Variants in PCDHGA2 observed in about 807,000 individuals in gnomAD.
The protein encoded by PCDHGA2 is protocadherin gamma-A2.
In PCDHGA2, 40 loss-of-function variants were observed where a neutral mutation model predicts 59.2. That is an observed-to-expected ratio of 0.68 (90% CI 0.52 to 0.88). PCDHGA2 has a LOEUF of 0.88. Ranked by LOEUF, PCDHGA2 falls within the 40% of genes least tolerant of loss-of-function variation. The pLI is 0.00. For missense variants in PCDHGA2, 1,226 were observed against 1,204.0 expected (o/e 1.02, Z -0.27); for synonymous variants, 560 against 526.0 (o/e 1.06, Z -0.89).
chr5:141,354,356 T>A (rs894470317), intron 1 of PCDHGA2, among the ~76,000 whole-genome samples: 1 of 152,218 alleles, frequency 6.6e-6, no homozygotes. Context: ...GAGAACACAT[T>A]GTGAACAAGA....
intron 1 of PCDHGA2, chr5:141,383,514 G>C (rs778204328): frequency 6.2e-7 from 1 of 1,612,718 alleles, no homozygotes; most frequent in African/African-American, 1.3e-5. Context: ...GGGAGGAAGA[G>C]CGGGTTCACC....
intron 1 of PCDHGA2, among the ~76,000 whole-genome samples, chr5:141,396,846 C>T (rs2093443938): frequency 6.6e-6 from 1 of 152,166 alleles, no homozygotes; most frequent in Admixed American, 6.5e-5. Flanking sequence ...TGGGAGTTAA[C>T]TTCATAGTTT....
intron 1 of PCDHGA2, 146 bp from the exon 2 acceptor site, chr5:141,494,661 G>C (rs2099755951): frequency 6.7e-7 from 1 of 1,492,856 alleles, no homozygotes; most frequent in African/African-American, 1.4e-5. Context: ...TTTGTCTTTG[G>C]AGATGAGTCC....
chr5:141,390,398 A>G, intron 1 of PCDHGA2: 1 of 1,365,554 alleles, frequency 7.3e-7, no homozygotes, highest in Non-Finnish European at 1.0e-6. Flanking sequence ...GGATCATTTT[A>G]GGAAAGTTGT....
In PCDHGA2 at chr5:141,485,580, A is replaced by C. The variant is rs761157560; in HGVS notation, c.2425-9227A>C. The C allele has an allele frequency of 6.2e-7, 1 of 1,612,610 alleles. No homozygotes were observed. The highest frequency in any genetic ancestry group is 2.2e-5 in the East Asian group (1 of 44,850). ...GATCACGCCCCCCGTTTTCCGCGGCAGCAGCTGGACTTGGAAATTGGGGAG... is the reference window on the plus strand; with the variant it reads ...GATCACGCCCCCCGTTTTCCGCGGCCGCAGCTGGACTTGGAAATTGGGGAG... On this transcript the variant is annotated intron_variant, in intron 1 of 3. Transcript: ENST00000394576. The surrounding 1 kb of genome is among the most constrained non-coding windows in gnomAD (Gnocchi z 5.7).
At position 141,512,630 on chromosome 5, in the gene PCDHGA2, G is replaced by C. The variant is rs1335322474; in HGVS notation, c.*1457G>C. On this transcript the variant is annotated 3_prime_UTR_variant, in exon 4 of 4. Transcript: ENST00000394576. ...GGGGCTGCCAGAGAACCCCAGACCT[G>C]CCCTTACAGTAGTGTAGCGCCCCCT... The C allele has an allele frequency of 6.5e-6, 1 of 152,888 alleles. No individual in the cohort carries two copies. Among genetic ancestry groups the C allele is most frequent in the Non-Finnish European group, 1.5e-5 (1 of 68,576 alleles). 9.5% of individuals were successfully genotyped at this position (152,888 alleles called of 1,614,324 possible).
intron 1 of PCDHGA2, chr5:141,344,048 G>C (rs2149732410): frequency 1.3e-6 from 2 of 1,558,278 alleles, no homozygotes; most frequent in Non-Finnish European, 1.7e-6. Context: ...CCAATTGCCT[G>C]AGTTTCCGAA....
At position 141,393,662 on chromosome 5, in the gene PCDHGA2, A is replaced by T. The variant is rs1442061423; in HGVS notation, c.2424+52267A>T. The T allele has an allele frequency of 8.7e-6, 14 of 1,613,816 alleles. No individual in the cohort carries two copies. In the Admixed American group the frequency reaches 2.3e-4, roughly 27 times the overall value. On this transcript the variant is annotated intron_variant, in intron 1 of 3. Transcript: ENST00000394576. ...GAAAAGTGGCATACAAATTCCGGAAAATTAATGAAAAACAAACTCCGTTAT... is the reference window on the plus strand; with the variant it reads ...GAAAAGTGGCATACAAATTCCGGAATATTAATGAAAAACAAACTCCGTTAT...
At position 141,431,017 on chromosome 5, in the gene PCDHGA2, G is replaced by A. The variant is rs768036730; in HGVS notation, c.2425-63790G>A. 2.5e-6 allele frequency: 4 copies of A among 1,613,768 alleles called. No homozygotes were observed. Among genetic ancestry groups the A allele is most frequent in the South Asian group, 1.1e-5 (1 of 91,084 alleles). ...ATCCGCGCAGCGGCAGCTTGGTCAC[G>A]GCGGGCAGGATAGACCGGGAGGAGC... On this transcript the variant is annotated intron_variant, in intron 1 of 3. Transcript: ENST00000394576. This position sits in a 1 kb window ranked among gnomAD's most constrained non-coding sequence, Gnocchi z 4.8.
intron 1 of PCDHGA2, chr5:141,402,899 G>A: frequency 6.6e-7 from 1 of 1,516,814 alleles, no homozygotes; most frequent in Non-Finnish European, 8.8e-7. Context: ...GAAAGAACCT[G>A]ATGAAGCAGC....
In PCDHGA2 at chr5:141,485,429, A is replaced by T. The variant is rs1388904857; in HGVS notation, c.2425-9378A>T. On this transcript the variant is annotated intron_variant, in intron 1 of 3. Transcript: ENST00000394576. This position sits in a 1 kb window ranked among gnomAD's most constrained non-coding sequence, Gnocchi z 5.7. Reference sequence around the variant, plus strand: ...GGATTTGGACAGCGGAGCCCTGCTCATCAAGAACCCAATCGACCGAGAGGC... The same window carrying T: ...GGATTTGGACAGCGGAGCCCTGCTCTTCAAGAACCCAATCGACCGAGAGGC... The T allele has an allele frequency of 6.2e-7, 1 of 1,614,090 alleles. No homozygotes were observed. Among genetic ancestry groups the T allele is most frequent in the Non-Finnish European group, 8.5e-7 (1 of 1,180,052 alleles).
intron 1 of PCDHGA2, chr5:141,423,466 G>C (rs770939556): frequency 1.2e-6 from 2 of 1,613,904 alleles, no homozygotes; most frequent in Admixed American, 3.3e-5. Context: ...CGTGGACGGG[G>C]TACAGGCTTT....
At chr5:141,483,293 G>T (rs532959899) in intron 1 of PCDHGA2, among the ~76,000 whole-genome samples, 1 of 152,264 alleles carries the variant, frequency 6.6e-6, no homozygotes, top group Non-Finnish European at 1.5e-5. Flanking sequence ...TCAGTCATAA[G>T]TGAAGGGACT....
intron 1 of PCDHGA2, chr5:141,426,302 A>G (rs1590676929): frequency 1.2e-5 from 2 of 172,322 alleles, no homozygotes; most frequent in East Asian, 1.4e-4. Context: ...AACAGGGTGA[A>G]GCAGAGAAGC....
At chr5:141,443,475 G>T (rs994058112) in intron 1 of PCDHGA2, among the ~76,000 whole-genome samples, 1 of 152,148 alleles carries the variant, frequency 6.6e-6, no homozygotes, top group African/African-American at 2.4e-5. Flanking sequence ...GACAGAATTA[G>T]ACCCTGTCCC....
chr5:141,384,444 C>T lies in PCDHGA2; in HGVS notation c.2424+43049C>T, dbSNP rs751427123. 2.5e-5 allele frequency: 41 copies of T among 1,613,906 alleles called. No individual in the cohort carries two copies. The Admixed American group carries it at 5.0e-4, about 20-fold the overall frequency. ...TAAACTCTGACACTGGAGTCCTGTA[C>T]GCGCTGCAATCCTTTGATTATGAGC... On this transcript the variant is annotated intron_variant, in intron 1 of 3. Transcript: ENST00000394576.
chr5:141,428,646 C>T (rs542682298), intron 1 of PCDHGA2: 7 of 170,630 alleles, frequency 4.1e-5, no homozygotes, highest in South Asian at 3.0e-4. Flanking sequence ...CTCCTACTCA[C>T]GTGAGTTCCA....
rs145463208 is a variant in PCDHGA2 at position 141,370,418 on chromosome 5, G to A, written c.2424+29023G>A. ...GGATGGGAAATAGCTCCGGATGGAG[G>A]GGCCCAGCAGGGCAGAGGCGAATGC... is the stretch of plus-strand genomic sequence containing the variant. On this transcript the variant is annotated intron_variant, in intron 1 of 3. Coordinates refer to ENST00000394576, the MANE Select transcript of PCDHGA2 (RefSeq NM_018915.4). 1.7e-5 allele frequency: 26 copies of A among 1,570,524 alleles called. 1 individual carries two copies. The Middle Eastern group carries it at 5.2e-4, about 31-fold the overall frequency.
At chr5:141,420,245 G>A (rs72790042) in intron 1 of PCDHGA2, 83,459 of 1,583,130 alleles carry the variant, frequency 0.053, 2,452 homozygotes, top group African/African-American at 0.1. Context: ...AACTCCCAGC[G>A]TTGAAGCAGA....
Sources: gnomAD v4.1 joint callset for allele counts (sites outside exome capture counted in the v4.1 genomes callset) on GRCh38, gnomAD v4.1.1 for gene constraint, Gnocchi (gnomAD v3.1) non-coding constraint, MANE v1.5 for transcripts, NCBI Gene and HGNC (gene_info 2026-07-23, HGNC 2026-07-21) for gene names.